Variants in SIDT2 observed in about 807,000 individuals in gnomAD.
SIDT2 encodes SID1 transmembrane family, member 2.
Under a neutral mutation model 114.4 loss-of-function variants are expected in SIDT2, and 68 were observed. The ratio of observed to expected loss-of-function variants is 0.59; its 90% CI spans 0.49 to 0.73. The LOEUF is 0.73. SIDT2 is among the 30% of genes least tolerant of loss of function. SIDT2 has a pLI of 0.00. For missense variants in SIDT2, 918 were observed against 1,097.1 expected, an observed-to-expected ratio of 0.84 and a Z score of 2.31; for synonymous variants, 470 against 438.4, an observed-to-expected ratio of 1.07 and a Z score of -0.90.
rs1591774640 is a variant in SIDT2, at chr11:117,197,306, C to T, written c.*1240C>T. On this transcript the variant is annotated 3_prime_UTR_variant, in exon 26 of 26. Coordinates refer to ENST00000324225, the MANE Select transcript of SIDT2 (RefSeq NM_001040455.2). The stretch of plus-strand genomic sequence containing the variant: ...TTGGGGATGGGAATGTGTTTTTCTC[C>T]CAAACTTGTTTTTATAGCTCTGCTT... 1.3e-5 allele frequency: 2 copies of T among 152,632 alleles called. No homozygotes were observed. The highest frequency in any genetic ancestry group is 2.4e-5 in the African/African-American group (1 of 41,454). 9.5% of individuals were successfully genotyped at this position (152,632 alleles called of 1,614,324 possible).
Position 117,181,984 on chromosome 11 carries a change from G to A in SIDT2, c.470+13G>A. ...ATTTTGTGCTCAGGTCTGCAGGGTA[G>A]AGTGAGGGGACCACGGGGGCTGGTT... On this transcript the variant is annotated intron_variant, in intron 3 of 25. Transcript: ENST00000324225. 1 of 1,614,146 alleles carries A rather than the reference G, an allele frequency of 6.2e-7. No homozygotes were observed. Among genetic ancestry groups the A allele is most frequent in the Non-Finnish European group, 8.5e-7 (1 of 1,179,994 alleles).
chr11:117,184,257 T>C, intron 8 of SIDT2, 118 bp downstream of exon 8: 1 of 994,796 alleles, frequency 1.0e-6, no homozygotes, highest in South Asian at 1.4e-5. Context: ...GCTGGTGGGG[T>C]AGGAACGGGG....
chr11:117,192,588 C>G lies in SIDT2; in HGVS notation c.1996C>G (p.Arg666Gly), dbSNP rs1368743279. 6.2e-7 allele frequency: 1 copy of G among 1,608,604 alleles called. No individual in the cohort carries two copies. Among genetic ancestry groups the G allele is most frequent in the Non-Finnish European group, 8.5e-7 (1 of 1,179,558 alleles). ...TCTCTTCGCAGACTCGGGGATCTTC[C>G]GCCGCATCCTCCACGTGCTCTACAC... ...GRWKLDSGIF[R>G]RILHVLYTDC... The change falls in exon 21 of 26, where the codon CGC becomes GGC. Residue 666 changes from arginine (R) to glycine (G), a missense_variant. By Grantham distance (125) the Arg-to-Gly change is moderately radical. Transcript: ENST00000324225. This position sits in a 1 kb window ranked among gnomAD's most constrained non-coding sequence, Gnocchi z 5.9.
chr11:117,192,857 A>G lies in SIDT2; in HGVS notation c.2096A>G (p.Asn699Ser), dbSNP rs1229357252. The G allele has an allele frequency of 1.2e-6, 2 of 1,613,998 alleles. No homozygotes were observed. Among genetic ancestry groups the G allele is most frequent in the African/African-American group, 1.3e-5 (1 of 74,918 alleles). Residue 699 changes from asparagine to serine, a missense_variant, in exon 22 of 26, where the codon AAC (asparagine) becomes AGC (serine). By Grantham distance (46) the Asn-to-Ser change is conservative. Coordinates refer to ENST00000324225, the MANE Select transcript of SIDT2 (RefSeq NM_001040455.2). This position sits in a 1 kb window ranked among gnomAD's most constrained non-coding sequence, Gnocchi z 5.9. Reference protein sequence around the residue: ...MVLLVMGNVINWSLAAYGLIM... With the variant: ...MVLLVMGNVISWSLAAYGLIM... ...CTGCTGGTCATGGGCAACGTCATCAACTGGTCGCTGTGAGTATGGTCAGCA... is the reference window on the plus strand; with the variant it reads ...CTGCTGGTCATGGGCAACGTCATCAGCTGGTCGCTGTGAGTATGGTCAGCA...
intron 8 of SIDT2, among the ~76,000 whole-genome samples, chr11:117,184,530 T>C (rs1454902853): frequency 6.6e-6 from 1 of 152,236 alleles, no homozygotes; most frequent in Non-Finnish European, 1.5e-5. Context: ...GCTATAAGAT[T>C]GAGTCTCAGT....
intron 10 of SIDT2, chr11:117,186,969 G>T: frequency 6.8e-7 from 1 of 1,466,164 alleles, no homozygotes; most frequent in Non-Finnish European, 9.1e-7. Flanking sequence ...CCTCCCTCCT[G>T]CGTGGGACCT....
rs1035211888 is a variant in SIDT2, at chr11:117,188,080, G to A, written c.1159+381G>A. The A allele has an allele frequency of 1.2e-4, 55 of 447,260 alleles. No individual in the cohort carries two copies. The highest frequency in any genetic ancestry group is 7.6e-4 in the African/African-American group (38 of 50,296). The allele number at this position is 447,260 out of a possible 1,614,324, so 27.7% of individuals were successfully genotyped here. A position where few individuals can be genotyped will look rare whatever the true frequency, so the allele number is the denominator to read the frequency against. On this transcript the variant is annotated intron_variant, in intron 12 of 25. Transcript: ENST00000324225. The surrounding 1 kb of genome is among the most constrained non-coding windows in gnomAD (Gnocchi z 4.0). ...CCCCATGTAATTCCAGTAATTGCCC[G>A]CTCTTGTGTCTTCTGAGATAGCAGC... is the stretch of plus-strand genomic sequence containing the variant.
Position 117,189,943 on chromosome 11 carries a change from C to T in SIDT2, c.1420-9C>T. On this transcript the variant is annotated splice_polypyrimidine_tract_variant and intron_variant, in intron 15 of 25. Transcript: ENST00000324225. ...ACAGACCCACTCCCTGTCCCTGCTC[C>T]TGCTACAGGTGGTGAATGTCACAGG... 1 of 1,614,082 alleles carries T rather than the reference C, an allele frequency of 6.2e-7. No individual in the cohort carries two copies. The highest frequency in any genetic ancestry group is 8.5e-7 in the Non-Finnish European group (1 of 1,179,960).
chr11:117,189,433 C>A, intron 15 of SIDT2, 32 bp downstream of exon 15: 2 of 1,606,526 alleles, frequency 1.2e-6, no homozygotes, highest in South Asian at 2.2e-5. Context: ...ACCTTTCCGA[C>A]AGCCTAGGAC....
chr11:117,193,261 G>A lies in SIDT2; in HGVS notation c.2211+3G>A. 6.2e-7 allele frequency: 1 copy of A among 1,611,960 alleles called. No homozygotes were observed. Among genetic ancestry groups the A allele is most frequent in the Non-Finnish European group, 8.5e-7 (1 of 1,178,592 alleles). Reference sequence around the variant, plus strand: ...TCGCCTTCTACATCATCATGAAGGTGAGTGGGGCTGGCCAAGCCCCCTCTG... The same window carrying A: ...TCGCCTTCTACATCATCATGAAGGTAAGTGGGGCTGGCCAAGCCCCCTCTG... On this transcript the variant is annotated splice_donor_region_variant and intron_variant, in intron 23 of 25. Transcript: ENST00000324225.
intron 8 of SIDT2, chr11:117,185,905 A>G: frequency 2.3e-6 from 1 of 438,486 alleles, no homozygotes; most frequent in South Asian, 3.5e-5. Context: ...AGTAGAAGAG[A>G]AAGTTCTAGC....
chr11:117,195,084 T>TTAAAAA, intron 24 of SIDT2, among the ~76,000 whole-genome samples: 1 of 6,688 alleles, frequency 1.5e-4, no homozygotes, highest in Non-Finnish European at 5.2e-4. Flanking sequence ...AGACTCTGTC[T>TTAAAAA]CAAAAAAAAA....
At position 117,193,156 on chromosome 11, in the gene SIDT2, T is replaced by C; in HGVS notation, c.2109T>C (p.Ala703=). The C allele has an allele frequency of 6.2e-7, 1 of 1,614,220 alleles. No individual in the cohort carries two copies. The highest frequency in any genetic ancestry group is 1.1e-5 in the South Asian group (1 of 91,090). Reference sequence around the variant, plus strand: ...CACCCTTCATCCCTCTTGCCAGGGCTGCCTATGGGCTTATCATGCGCCCCA... The same window carrying C: ...CACCCTTCATCCCTCTTGCCAGGGCCGCCTATGGGCTTATCATGCGCCCCA... ...VMGNVINWSL[A]AYGLIMRPND... Residue 703 remains alanine, a synonymous_variant, in exon 23 of 26, where the codon GCT becomes GCC. Transcript: ENST00000324225.
chr11:117,195,085 C>CAAACAA (rs2030845831), intron 24 of SIDT2, among the ~76,000 whole-genome samples: 1 of 45,700 alleles, frequency 2.2e-5, no homozygotes, highest in Non-Finnish European at 4.4e-5. Flanking sequence ...GACTCTGTCT[C>CAAACAA]AAAAAAAAAA....
Position 117,196,307 on chromosome 11 carries a change from TTGC to T in SIDT2, c.*246_*248del, listed in dbSNP as rs1251159881. On this transcript the variant is annotated 3_prime_UTR_variant, in exon 26 of 26. Coordinates refer to ENST00000324225, the MANE Select transcript of SIDT2 (RefSeq NM_001040455.2). This position sits in a 1 kb window ranked among gnomAD's most constrained non-coding sequence, Gnocchi z 4.9. ...CTGGAACCCCCAGATGTTGGCCAAA[TTGC>T]TGCTTTCTTCTCAGTGTTGGGGCCT... 3.8e-6 allele frequency: 2 copies of T among 524,346 alleles called. No individual in the cohort carries two copies. The highest frequency in any genetic ancestry group is 6.9e-5 in the East Asian group (2 of 29,010). 32.5% of individuals were successfully genotyped at this position (524,346 alleles called of 1,614,324 possible).
chr11:117,186,633 A>T lies in SIDT2; in HGVS notation c.1012A>T (p.Ser338Cys), dbSNP rs781394867. 5 of 1,560,264 alleles carry T rather than the reference A, an allele frequency of 3.2e-6. No homozygotes were observed. In the South Asian group the frequency reaches 6.1e-5, roughly 19 times the overall value. The part of the protein sequence containing the change: ...LVAIDRACPE[S>C]GHPRVLADSF... Reference sequence around the variant, plus strand: ...GGCCATTGACCGAGCCTGCCCAGAAAGCGGTACCTCCAGGGGGCCTGGGTG... The same window carrying T: ...GGCCATTGACCGAGCCTGCCCAGAATGCGGTACCTCCAGGGGGCCTGGGTG... Residue 338 changes from serine to cysteine, a missense_variant, in exon 10 of 26, where the codon AGC becomes TGC. Ser to Cys is a moderately radical substitution (Grantham distance 112). Around this residue, in one of 4 missense-constraint regions of SIDT2, gnomAD observed 553 missense variants for 600.1 expected, o/e 0.92. Coordinates refer to ENST00000324225, the MANE Select transcript of SIDT2 (RefSeq NM_001040455.2).
intron 18 of SIDT2, 114 bp from the exon 19 acceptor site, chr11:117,191,764 T>C: frequency 7.0e-7 from 1 of 1,433,126 alleles, no homozygotes; most frequent in Non-Finnish European, 9.5e-7. Context: ...GCTCACACCA[T>C]GGCCGTGGTG....
chr11:117,191,787 T>C, intron 18 of SIDT2, 91 bp from the exon 19 acceptor site: 1 of 1,536,764 alleles, frequency 6.5e-7, no homozygotes, highest in Non-Finnish European at 8.8e-7. Context: ...GCACCAGGGC[T>C]CTCTCTTCCT....
intron 6 of SIDT2, among the ~76,000 whole-genome samples, chr11:117,183,511 G>A (rs530847270): frequency 5.3e-4 from 80 of 152,146 alleles, no homozygotes; most frequent in African/African-American, 1.9e-3. Context: ...GGTGATGGAC[G>A]CCTGTAATCC....
Sources: allele counts gnomAD v4.1 joint callset (sites outside exome capture counted in the v4.1 genomes callset), GRCh38; gene constraint gnomAD v4.1.1; regional missense constraint gnomAD v4.1.1; non-coding constraint Gnocchi (gnomAD v3.1); transcripts MANE v1.5; gene names NCBI Gene and HGNC (gene_info 2026-07-23, HGNC 2026-07-21).